The following CACNG4 variants were observed in gnomAD, a reference collection of about 807,000 sequenced individuals.
The protein encoded by CACNG4 is calcium voltage-gated channel auxiliary subunit gamma 4.
In CACNG4, 8 loss-of-function variants were observed where a neutral mutation model predicts 22.9. That is an observed-to-expected ratio of 0.35 (90% CI 0.21 to 0.63). The LOEUF is 0.63. CACNG4 is among the 30% of genes least tolerant of loss of function. CACNG4 has a pLI of 0.72. For missense variants in CACNG4, 357 were observed against 455.4 expected (o/e 0.78, Z 1.97); for synonymous variants, 188 against 191.9 (o/e 0.98, Z 0.17).
At chr17:66,969,648 G>A (rs2035192075) in intron 1 of CACNG4, among the ~76,000 whole-genome samples, 2 of 152,178 alleles carry the variant, frequency 1.3e-5, no homozygotes, top group Admixed American at 6.5e-5. Context: ...GGAGGGGATT[G>A]AGAAGACAGC....
rs1272361459 is a variant in CACNG4, at chr17:67,031,525, TCCTCTCCATCTCTC to T, written c.*528_*541del. On this transcript the variant is annotated 3_prime_UTR_variant, in exon 4 of 4. Transcript: ENST00000262138. This position sits in a 1 kb window ranked among gnomAD's most constrained non-coding sequence, Gnocchi z 4.0. The stretch of plus-strand genomic sequence containing the variant: ...ATCAGACCACCGAAGCTCACTCCCT[TCCTCTCCATCTCTC>T]CCTCTCTCCAAGACTCTGGCAGTGG... 8 of 457,014 alleles carry T rather than the reference TCCTCTCCATCTCTC, an allele frequency of 1.8e-5. No homozygotes were observed. The Admixed American group carries it at 1.9e-4, about 11-fold the overall frequency. The allele number at this position is 457,014 out of a possible 1,614,324, so 28.3% of individuals were successfully genotyped here.
intron 2 of CACNG4, among the ~76,000 whole-genome samples, chr17:67,024,442 G>A (rs1180415277): frequency 6.6e-6 from 1 of 152,238 alleles, no homozygotes; most frequent in Non-Finnish European, 1.5e-5. Flanking sequence ...CTCAACCACT[G>A]ACCAGGGCCA....
chr17:66,988,782 G>A (rs2143303256), intron 1 of CACNG4, among the ~76,000 whole-genome samples: 1 of 152,276 alleles, frequency 6.6e-6, no homozygotes. Context: ...AAGGAGGCAG[G>A]GCGCGGTGGC....
At chr17:67,014,493 C>G (rs2035485623) in intron 1 of CACNG4, among the ~76,000 whole-genome samples, 1 of 152,048 alleles carries the variant, frequency 6.6e-6, no homozygotes. Flanking sequence ...AGCATGGAGT[C>G]CAGAGAAGAG....
At chr17:67,028,247 C>G (rs774823196) in intron 3 of CACNG4, among the ~76,000 whole-genome samples, 11 of 152,002 alleles carry the variant, frequency 7.2e-5, no homozygotes, top group Non-Finnish European at 1.0e-4. Flanking sequence ...AAACACAACA[C>G]AGCACTTTAT....
chr17:67,013,851 T>C (rs983648574), intron 1 of CACNG4, among the ~76,000 whole-genome samples: 1 of 152,062 alleles, frequency 6.6e-6, no homozygotes, highest in Admixed American at 6.6e-5. Flanking sequence ...CCCTGATATG[T>C]GCAGATGAAG....
intron 1 of CACNG4, among the ~76,000 whole-genome samples, chr17:67,013,441 G>T (rs540477437): frequency 6.6e-6 from 1 of 152,242 alleles, no homozygotes; most frequent in African/African-American, 2.4e-5. Context: ...TTACTCTATC[G>T]CTCAGAAATA....
At chr17:67,029,766 G>A (rs1173933020) in intron 3 of CACNG4, among the ~76,000 whole-genome samples, 1 of 152,256 alleles carries the variant, frequency 6.6e-6, no homozygotes, top group Non-Finnish European at 1.5e-5. Context: ...AGAGCTGGAT[G>A]AGGAGTATAT....
chr17:67,018,031 G>C (rs536369591), intron 1 of CACNG4, among the ~76,000 whole-genome samples, 158 bp from the exon 2 acceptor site: 1 of 152,018 alleles, frequency 6.6e-6, no homozygotes, highest in African/African-American at 2.4e-5. Flanking sequence ...TGTCTCTCCC[G>C]TGCCCCCACC....
rs753022522 is a variant in CACNG4 at position 67,031,350 on chromosome 17, C to T, written c.*346C>T. The T allele has an allele frequency of 9.4e-5, 47 of 500,690 alleles. 1 individual carries two copies. The Middle Eastern group carries it at 1.5e-3, about 16-fold the overall frequency. The allele number at this position is 500,690 out of a possible 1,614,324, so 31.0% of individuals were successfully genotyped here. A position where few individuals can be genotyped will look rare whatever the true frequency, so the allele number is the denominator to read the frequency against. ...TTGAGCCATTATCTCCTCTTGGAAA[C>T]GAATCTTGCCAGAAAAACGGGATTT... is the stretch of plus-strand genomic sequence containing the variant. On this transcript the variant is annotated 3_prime_UTR_variant, in exon 4 of 4. Coordinates refer to ENST00000262138, the MANE Select transcript of CACNG4 (RefSeq NM_014405.4). This position sits in a 1 kb window ranked among gnomAD's most constrained non-coding sequence, Gnocchi z 4.0.
chr17:66,990,685 A>ATTTTAT (rs369531301), intron 1 of CACNG4, among the ~76,000 whole-genome samples: 13 of 140,538 alleles, frequency 9.3e-5, no homozygotes, highest in African/African-American at 3.2e-4. Flanking sequence ...ATTTTATTTT[A>ATTTTAT]TTTATTTATT....
At chr17:67,010,338 G>A (rs2035461491) in intron 1 of CACNG4, among the ~76,000 whole-genome samples, 1 of 152,128 alleles carries the variant, frequency 6.6e-6, no homozygotes, top group African/African-American at 2.4e-5. Flanking sequence ...GAGTGTTGGG[G>A]ACATGTGCTT....
At chr17:67,020,589 G>A (rs989232408) in intron 2 of CACNG4, among the ~76,000 whole-genome samples, 4 of 152,214 alleles carry the variant, frequency 2.6e-5, no homozygotes, top group Admixed American at 6.5e-5. Flanking sequence ...TTTTCCACTC[G>A]GTGGCTGCAG....
At position 67,000,172 on chromosome 17, in the gene CACNG4, C is replaced by A. The variant is rs139266796; in HGVS notation, c.221-18017C>A. ...AGGACTCTCCTCTCTTTCCTTGTGT[C>A]GTTTACAGCATTTCTCTTGCTTGAT... On this transcript the variant is annotated intron_variant, in intron 1 of 3. Coordinates refer to ENST00000262138, the MANE Select transcript of CACNG4 (RefSeq NM_014405.4). 2.6e-5 allele frequency among the ~76,000 whole-genome samples: 4 copies of A among 152,284 alleles called. No individual in the cohort carries two copies. The South Asian group carries it at 8.3e-4, about 32-fold the overall frequency.
chr17:67,029,982 A>C (rs1379031771), intron 3 of CACNG4, among the ~76,000 whole-genome samples: 1 of 152,200 alleles, frequency 6.6e-6, no homozygotes, highest in African/African-American at 2.4e-5. Context: ...GCACCCAGAC[A>C]TCTCCCGTAA....
intron 1 of CACNG4, among the ~76,000 whole-genome samples, chr17:66,983,594 G>C (rs954267012): frequency 6.6e-6 from 1 of 152,186 alleles, no homozygotes; most frequent in African/African-American, 2.4e-5. Flanking sequence ...CAGGCCCCAG[G>C]TCTGACTCAT....
chr17:66,982,409 A>C (rs12453695), intron 1 of CACNG4, among the ~76,000 whole-genome samples: 13,699 of 152,060 alleles, frequency 0.09, 1,069 homozygotes, highest in African/African-American at 0.22. Context: ...GTTTTTACAG[A>C]GTACCAATTG....
chr17:66,998,796 C>T (rs949863428), intron 1 of CACNG4, among the ~76,000 whole-genome samples: 5 of 152,372 alleles, frequency 3.3e-5, no homozygotes, highest in African/African-American at 1.2e-4. Context: ...CTCACCCCCA[C>T]CCTGCCTTCT....
rs1219255342 is a variant in CACNG4, at chr17:67,018,236, A to C, written c.268A>C (p.Asn90His). Residue 90 changes from asparagine (N) to histidine (H), a missense_variant, in exon 2 of 4, where the codon AAT (asparagine) becomes CAT (histidine). Physicochemically the swap from Asn to His is moderately conservative, Grantham distance 68. Coordinates refer to ENST00000262138, the MANE Select transcript of CACNG4 (RefSeq NM_014405.4). ...CCGGATCAATCACTTCCCAGAGGAC[A>C]ATGACTACGACCACGACAGCTCGGA... ...CFRINHFPEDNDYDHDSSEYL... is the reference protein window; with the variant it reads ...CFRINHFPEDHDYDHDSSEYL... 2 of 1,614,024 alleles carry C rather than the reference A, an allele frequency of 1.2e-6. No homozygotes were observed. Among genetic ancestry groups the C allele is most frequent in the East Asian group, 4.5e-5 (2 of 44,892 alleles).
Sources: allele counts gnomAD v4.1 joint callset (sites outside exome capture counted in the v4.1 genomes callset), GRCh38; gene constraint gnomAD v4.1.1; non-coding constraint Gnocchi (gnomAD v3.1); transcripts MANE v1.5; gene names NCBI Gene and HGNC (gene_info 2026-07-23, HGNC 2026-07-21).